NUP42: variants seen among roughly 807,000 people sequenced by gnomAD.
NUP42 encodes nucleoporin NUP42.
In NUP42, 47 loss-of-function variants were observed where a neutral mutation model predicts 35.9. The ratio of observed to expected loss-of-function variants is 1.31; its 90% CI spans 1.04 to 1.67. The LOEUF (loss-of-function observed/expected upper bound fraction) is 1.67. Ranked by LOEUF, NUP42 falls within the 40% of genes most tolerant of loss-of-function variation. The pLI is 0.00. For synonymous variants in NUP42, 173 were observed against 173.3 expected (o/e 1.00, Z 0.01); for missense variants, 514 against 492.2 (o/e 1.04, Z -0.42).
intron 2 of NUP42, among the ~76,000 whole-genome samples, chr7:23,185,641 T>G (rs573341047): frequency 5.9e-5 from 9 of 152,352 alleles, no homozygotes; most frequent in Non-Finnish European, 1.2e-4. Context: ...CTAAGATTAG[T>G]CCTGCTTAAG....
In NUP42 at chr7:23,182,141, G is replaced by A; in HGVS notation, c.56G>A (p.Trp19Ter). Residue 19 changes from tryptophan (W) to a stop codon, truncating the protein, a stop_gained, in exon 1 of 7, where the codon TGG becomes TAG. Transcript: ENST00000258742. LOFTEE classifies it high-confidence loss of function. ...CGGTGCCGCTTTGGAGATCGGTGCT[G>A]GAACGAACATCCCGGTGCTAGGGGT... Reference protein sequence around the residue: ...QGRCRFGDRCWNEHPGARGAG... With the variant: ...QGRCRFGDRC 2 of 1,614,210 alleles carry A rather than the reference G, an allele frequency of 1.2e-6. No individual in the cohort carries two copies. Among genetic ancestry groups the A allele is most frequent in the South Asian group, 1.1e-5 (1 of 91,086 alleles).
In NUP42 at chr7:23,186,935, A is replaced by G. The variant is rs117857116; in HGVS notation, c.351-117A>G. Reference sequence around the variant, plus strand: ...CTTTAAAGAACACTCTTCAGAAAATATAATGGAAAAGTATTTACTAGAATT... The same window carrying G: ...CTTTAAAGAACACTCTTCAGAAAATGTAATGGAAAAGTATTTACTAGAATT... On this transcript the variant is annotated intron_variant, in intron 2 of 6. Coordinates refer to ENST00000258742, the MANE Select transcript of NUP42 (RefSeq NM_007342.3). 167 of 661,278 alleles carry G rather than the reference A, an allele frequency of 2.5e-4. 2 individuals carry two copies. The East Asian group carries it at 3.3e-3, about 13-fold the overall frequency. The allele number at this position is 661,278 out of a possible 1,614,324, so 41.0% of individuals were successfully genotyped here.
intron 5 of NUP42, 59 bp from the exon 6 acceptor site, chr7:23,199,399 A>G (rs1182454008): frequency 1.2e-5 from 17 of 1,370,584 alleles, no homozygotes; most frequent in Non-Finnish European, 1.7e-5. Flanking sequence ...AGTGTATAGA[A>G]AAGATACTGG....
Position 23,200,751 on chromosome 7 carries a change from C to A in NUP42, c.*6C>A. On this transcript the variant is annotated 3_prime_UTR_variant, in exon 7 of 7. Transcript: ENST00000258742. ...TGGAACTTCTAAATGTTTAAAAGGG[C>A]AATTTTAAATACAAAAAAGAATGAT... 6.5e-7 allele frequency: 1 copy of A among 1,532,700 alleles called. No homozygotes were observed. The highest frequency in any genetic ancestry group is 8.8e-7 in the Non-Finnish European group (1 of 1,140,868). 94.9% of individuals were successfully genotyped at this position (1,532,700 alleles called of 1,614,324 possible).
At chr7:23,197,100 T>C (rs1054600466) in intron 5 of NUP42, 10 of 651,138 alleles carry the variant, frequency 1.5e-5, no homozygotes, top group African/African-American at 1.1e-4. Flanking sequence ...TGAACAGTTA[T>C]ATGAATGCAC....
chr7:23,187,994 TTTTTTATTTTTTA>T (rs1271941033), intron 3 of NUP42: 2 of 955,110 alleles, frequency 2.1e-6, no homozygotes, highest in African/African-American at 1.7e-5. Context: ...CTCTCTCTCT[TTTTTTATTTTTTA>T]TTTTTATTTT....
intron 1 of NUP42, among the ~76,000 whole-genome samples, chr7:23,183,566 A>G (rs1785488791): frequency 6.6e-6 from 1 of 152,064 alleles, no homozygotes. Flanking sequence ...TTCACGTCTG[A>G]TCCCACTTCA....
chr7:23,187,139 T>C lies in NUP42; in HGVS notation c.438T>C (p.Asn146=). 6.2e-7 allele frequency: 1 copy of C among 1,600,940 alleles called. No individual in the cohort carries two copies. The highest frequency in any genetic ancestry group is 8.5e-7 in the Non-Finnish European group (1 of 1,171,330). Reference sequence around the variant, plus strand: ...ATTCACCAGTGAAAAAGAAACCTAATATTTCAGGTAACTGAAAAATTGTGC... The same window carrying C: ...ATTCACCAGTGAAAAAGAAACCTAACATTTCAGGTAACTGAAAAATTGTGC... ...SVYSPVKKKP[N]ISGFTDISPE... The change falls in exon 3 of 7, where the codon AAT becomes AAC. Residue 146 remains asparagine (N), a synonymous_variant. Coordinates refer to ENST00000258742, the MANE Select transcript of NUP42 (RefSeq NM_007342.3).
chr7:23,187,942 CT>C, intron 3 of NUP42: 3 of 288,084 alleles, frequency 1.0e-5, no homozygotes, highest in Non-Finnish European at 2.0e-5. Context: ...CTCTGTCTCT[CT>C]CTCTCTCTCT....
intron 3 of NUP42, among the ~76,000 whole-genome samples, chr7:23,189,328 G>A (rs1785709781): frequency 6.6e-6 from 1 of 152,224 alleles, no homozygotes; most frequent in Admixed American, 6.5e-5. Context: ...ATTCACAAAT[G>A]TGAGGGCCAC....
At position 23,182,050 on chromosome 7, in the gene NUP42, A is replaced by G. The variant is rs570184646; in HGVS notation, c.-36A>G. ...CCCAGTAACAGGCATCGAACGGTGC[A>G]GACTGAAGACGCCCTCCGTCAGCGA... On this transcript the variant is annotated 5_prime_UTR_variant, in exon 1 of 7. Coordinates refer to ENST00000258742, the MANE Select transcript of NUP42 (RefSeq NM_007342.3). 6.2e-7 allele frequency: 1 copy of G among 1,611,414 alleles called. No homozygotes were observed. Among genetic ancestry groups the G allele is most frequent in the Non-Finnish European group, 8.5e-7 (1 of 1,179,726 alleles).
intron 3 of NUP42, chr7:23,187,939 TCTC>T: frequency 2.5e-6 from 1 of 401,724 alleles, no homozygotes; most frequent in Admixed American, 4.5e-5. Flanking sequence ...ATTCTCTGTC[TCTC>T]TCTCTCTCTC....
intron 3 of NUP42, among the ~76,000 whole-genome samples, chr7:23,190,422 A>G (rs1201269241): frequency 6.6e-6 from 1 of 152,232 alleles, no homozygotes. Flanking sequence ...TAGCTTTTTC[A>G]TTTATGTAGA....
chr7:23,188,069 G>T, intron 3 of NUP42: 1 of 1,436,586 alleles, frequency 7.0e-7, no homozygotes, highest in South Asian at 1.6e-5. Flanking sequence ...CTAGACCACC[G>T]GGCTTTCCCA....
At position 23,195,860 on chromosome 7, in the gene NUP42, A is replaced by C. The variant is rs768553231; in HGVS notation, c.467A>C (p.Glu156Ala). 3 of 1,602,884 alleles carry C rather than the reference A, an allele frequency of 1.9e-6. No homozygotes were observed. In the Admixed American group the frequency reaches 5.2e-5, roughly 28 times the overall value. The part of the protein sequence containing the change: ...NISGFTDISP[E>A]ELRLEYHNFL... ...TCAGGTTTTACAGACATTTCACCAG[A>C]GGAATTGAGGCTTGAATACCATAAC... Residue 156 changes from glutamate to alanine, a missense_variant, in exon 4 of 7, where the codon GAG becomes GCG. By Grantham distance (107) the Glu-to-Ala change is moderately radical. Transcript: ENST00000258742.
chr7:23,197,213 T>C (rs759935179), intron 5 of NUP42: 3 of 1,301,834 alleles, frequency 2.3e-6, no homozygotes, highest in South Asian at 1.2e-5. Flanking sequence ...TCTCCAAAGA[T>C]CTATGGTCCC....
intron 3 of NUP42, among the ~76,000 whole-genome samples, chr7:23,194,041 C>T (rs1196195460): frequency 6.6e-6 from 1 of 152,238 alleles, no homozygotes; most frequent in East Asian, 1.9e-4. Flanking sequence ...ACCAAGCCCA[C>T]GCCCACTCGG....
chr7:23,191,223 G>A (rs879477377), intron 3 of NUP42, among the ~76,000 whole-genome samples: 3 of 152,170 alleles, frequency 2.0e-5, no homozygotes, highest in Admixed American at 2.0e-4. Context: ...TAATTGCACT[G>A]GGCAGGCAGC....
rs201901418 is a variant in NUP42 at position 23,199,537 on chromosome 7, C to T, written c.689C>T (p.Ser230Leu). 23 of 1,612,698 alleles carry T rather than the reference C, an allele frequency of 1.4e-5. No homozygotes were observed. Among genetic ancestry groups the T allele is most frequent in the East Asian group, 4.5e-5 (2 of 44,886 alleles). The change falls in exon 6 of 7, where the codon TCG becomes TTG. Residue 230 changes from serine to leucine, a missense_variant. Coordinates refer to ENST00000258742, the MANE Select transcript of NUP42 (RefSeq NM_007342.3). The part of the protein sequence containing the change: ...FGSSQAATFM[S>L]PGFPVNNSSS... ...AGCAGTCAAGCAGCAACATTTATGTCGCCAGGTAAGTGATAAAGTAATGCA... is the reference window on the plus strand; with the variant it reads ...AGCAGTCAAGCAGCAACATTTATGTTGCCAGGTAAGTGATAAAGTAATGCA...
Sources: allele counts gnomAD v4.1 joint callset (sites outside exome capture counted in the v4.1 genomes callset), GRCh38; gene constraint gnomAD v4.1.1; transcripts MANE v1.5; gene names NCBI Gene and HGNC (gene_info 2026-07-23, HGNC 2026-07-21).